The following PARD3 variants were observed in gnomAD, a reference collection of about 807,000 sequenced individuals.
The protein encoded by PARD3 is partitioning defective 3 homolog.
PARD3 carries 75 observed loss-of-function variants against 155.4 expected under a neutral mutation model. The ratio of observed to expected loss-of-function variants is 0.48; its 90% CI spans 0.40 to 0.58. The LOEUF (loss-of-function observed/expected upper bound fraction) is 0.58, where lower values mean the gene tolerates loss of function less well. Among genes scored for constraint, PARD3 ranks in the 20% least tolerant of loss-of-function variants. The probability of loss-of-function intolerance (pLI) is 0.00; values close to 1 mark genes in which losing one functional copy is unlikely to be tolerated. For missense variants in PARD3, 1,642 were observed against 1,721.7 expected, an observed-to-expected ratio of 0.95 and a Z score of 0.82; for synonymous variants, 576 against 610.5, an observed-to-expected ratio of 0.94 and a Z score of 0.83.
intron 3 of PARD3, 80 bp from the exon 4 acceptor site, chr10:34,470,343 C>G: frequency 9.1e-7 from 1 of 1,093,344 alleles, no homozygotes; most frequent in Middle Eastern, 2.1e-4. Context: ...TAGGGAAATC[C>G]TAAAGATTAA....
chr10:34,649,630 C>T (rs968401893), intron 2 of PARD3, among the ~76,000 whole-genome samples: 34 of 152,296 alleles, frequency 2.2e-4, no homozygotes, highest in African/African-American at 6.7e-4. Flanking sequence ...GAGTGAGTGT[C>T]GAGGCCAAAG....
chr10:34,586,890 G>A (rs1377721721), intron 2 of PARD3, among the ~76,000 whole-genome samples: 4 of 151,850 alleles, frequency 2.6e-5, no homozygotes, highest in African/African-American at 4.8e-5. Flanking sequence ...CAGAGGTTGC[G>A]GTGAGCTGAG....
chr10:34,665,924 A>T (rs12767136), intron 2 of PARD3, among the ~76,000 whole-genome samples: 1 of 150,316 alleles, frequency 6.7e-6, no homozygotes, highest in Non-Finnish European at 1.5e-5. Flanking sequence ...AAGAAAAGAA[A>T]AGATTAGATT....
chr10:34,254,259 G>C (rs61840227), intron 22 of PARD3, among the ~76,000 whole-genome samples: 1 of 151,974 alleles, frequency 6.6e-6, no homozygotes, highest in Non-Finnish European at 1.5e-5. Flanking sequence ...ACGTGCTGTA[G>C]TCCCAGCTAC....
chr10:34,810,135 T>C (rs1232473027), intron 1 of PARD3, among the ~76,000 whole-genome samples: 1 of 151,938 alleles, frequency 6.6e-6, no homozygotes, highest in Non-Finnish European at 1.5e-5. Context: ...AAATCCAAAA[T>C]CCAAAATACT....
rs765552982 is a variant in PARD3 at position 34,666,816 on chromosome 10, T to TATATACATAC, written c.222+29501_222+29502insGTATGTATAT. 3.4e-5 allele frequency among the ~76,000 whole-genome samples: 3 copies of TATATACATAC among 88,808 alleles called. No individual in the cohort carries two copies. The East Asian group carries it at 1.0e-3, about 30-fold the overall frequency. 58.3% of individuals were successfully genotyped at this position (88,808 alleles called of 152,430 possible). ...AAAAAAATATATATATATATATATA[T>TATATACATAC]ACACACACACACACACACACAAACA... On this transcript the variant is annotated intron_variant, in intron 2 of 24. Coordinates refer to ENST00000374788, the MANE Select transcript of PARD3 (RefSeq NM_001184785.2).
At chr10:34,486,432 G>T (rs569935638) in intron 3 of PARD3, among the ~76,000 whole-genome samples, 1 of 152,180 alleles carries the variant, frequency 6.6e-6, no homozygotes, top group Non-Finnish European at 1.5e-5. Context: ...TGGTGGTGGT[G>T]CCTGGCCAGA....
chr10:34,713,365 T>C (rs1222439185), intron 1 of PARD3, among the ~76,000 whole-genome samples: 2 of 152,150 alleles, frequency 1.3e-5, no homozygotes, highest in Non-Finnish European at 2.9e-5. Context: ...AATTTCACTA[T>C]GAAGAAGTCA....
chr10:34,516,809 A>G (rs2081799402), intron 3 of PARD3, among the ~76,000 whole-genome samples, 170 bp downstream of exon 3: 1 of 152,254 alleles, frequency 6.6e-6, no homozygotes, highest in African/African-American at 2.4e-5. Flanking sequence ...ATCTATTACA[A>G]TGTAAAGAAC....
At chr10:34,190,980 G>A (rs1369591384) in intron 22 of PARD3, among the ~76,000 whole-genome samples, 1 of 152,056 alleles carries the variant, frequency 6.6e-6, no homozygotes, top group African/African-American at 2.4e-5. Flanking sequence ...TGCAATGTTA[G>A]ATAGAGCCCA....
At chr10:34,626,306 T>C (rs934403903) in intron 2 of PARD3, among the ~76,000 whole-genome samples, 2 of 152,170 alleles carry the variant, frequency 1.3e-5, no homozygotes, top group African/African-American at 4.8e-5. Flanking sequence ...TAGCAGCCCT[T>C]TTCAAGTCAC....
chr10:34,803,746 T>C (rs1189908962), intron 1 of PARD3, among the ~76,000 whole-genome samples: 4 of 151,924 alleles, frequency 2.6e-5, no homozygotes, highest in African/African-American at 9.7e-5. Context: ...GAGGTCGCAG[T>C]GAGCCGAGAT....
chr10:34,370,013 G>A (rs888472189), intron 12 of PARD3, among the ~76,000 whole-genome samples: 1 of 152,182 alleles, frequency 6.6e-6, no homozygotes, highest in African/African-American at 2.4e-5. Context: ...GAAAGGCAGA[G>A]ACTGTGCCCC....
intron 14 of PARD3, among the ~76,000 whole-genome samples, chr10:34,358,018 T>C (rs962613236): frequency 2.6e-5 from 4 of 152,226 alleles, no homozygotes; most frequent in Non-Finnish European, 5.9e-5. Flanking sequence ...ACAACTTAGG[T>C]ATAATTTTCA....
chr10:34,550,360 T>C (rs2084442011), intron 2 of PARD3, among the ~76,000 whole-genome samples: 3 of 152,116 alleles, frequency 2.0e-5, no homozygotes, highest in African/African-American at 7.2e-5. Flanking sequence ...TACAGGTGTG[T>C]ACCACCACAC....
chr10:34,349,429 ATT>A (rs753003688), intron 14 of PARD3, among the ~76,000 whole-genome samples: 3 of 151,952 alleles, frequency 2.0e-5, no homozygotes, highest in South Asian at 2.1e-4. Flanking sequence ...TGAAACGAGG[ATT>A]TGTTTCATTT....
intron 1 of PARD3, among the ~76,000 whole-genome samples, chr10:34,743,495 A>T (rs1034843371): frequency 2.6e-5 from 4 of 152,158 alleles, no homozygotes; most frequent in African/African-American, 4.8e-5. Flanking sequence ...CCACATCTCA[A>T]CCTCACACTT....
intron 2 of PARD3, among the ~76,000 whole-genome samples, chr10:34,658,387 T>C (rs1418295377): frequency 1.3e-5 from 2 of 151,892 alleles, no homozygotes; most frequent in African/African-American, 4.8e-5. Context: ...AAATCCTTAA[T>C]ATAAGGAAGA....
At chr10:34,255,489 T>C (rs1954608882) in intron 22 of PARD3, among the ~76,000 whole-genome samples, 1 of 152,218 alleles carries the variant, frequency 6.6e-6, no homozygotes, top group Non-Finnish European at 1.5e-5. Flanking sequence ...TATATAACTT[T>C]CAGAAGACTA....
Sources: allele counts gnomAD v4.1 joint callset (sites outside exome capture counted in the v4.1 genomes callset), GRCh38; gene constraint gnomAD v4.1.1; transcripts MANE v1.5; gene names NCBI Gene and HGNC (gene_info 2026-07-23, HGNC 2026-07-21).